Variants in CDC73 observed in about 807,000 individuals in gnomAD.
CDC73 encodes the protein parafibromin.
In CDC73, 21 loss-of-function variants were observed where a neutral mutation model predicts 83.7. That is an observed-to-expected ratio of 0.25 (90% CI 0.18 to 0.36). The LOEUF (loss-of-function observed/expected upper bound fraction) is 0.36, where lower values mean the gene tolerates loss of function less well. CDC73 is among the 10% of genes least tolerant of loss of function. The pLI, the probability that CDC73 is intolerant of heterozygous loss-of-function variation, is 1.00. For missense variants in CDC73, 342 were observed against 653.3 expected (o/e 0.52, Z 5.19); for synonymous variants, 224 against 212.9 (o/e 1.05, Z -0.45).
intron 10 of CDC73, among the ~76,000 whole-genome samples, chr1:193,188,610 AT>A (rs1319571197): frequency 1.3e-5 from 2 of 152,158 alleles, no homozygotes; most frequent in African/African-American, 4.8e-5. Context: ...TACAAAGTTG[AT>A]TTAGAGACAT....
At chr1:193,125,357 C>T (rs1164218432) in intron 2 of CDC73, 140 bp downstream of exon 2, 11 of 680,698 alleles carry the variant, frequency 1.6e-5, no homozygotes, top group Middle Eastern at 3.7e-4. Context: ...CTCCTAGGCT[C>T]AAGTGATCTT....
At chr1:193,180,287 G>A (rs1275742086) in intron 10 of CDC73, 3 of 1,537,270 alleles carry the variant, frequency 2.0e-6, no homozygotes, top group South Asian at 2.5e-5. Context: ...AAAAAAAATT[G>A]TCTTTTCTAA....
intron 3 of CDC73, among the ~76,000 whole-genome samples, chr1:193,132,895 ATTTTTTTTT>A (rs781435930): frequency 2.7e-5 from 3 of 113,196 alleles, no homozygotes; most frequent in South Asian, 2.9e-4. Context: ...TTTCCTGTAG[ATTTTTTTTT>A]TTTTTTTTTT....
intron 10 of CDC73, among the ~76,000 whole-genome samples, chr1:193,159,635 T>G (rs1380293987): frequency 6.6e-6 from 1 of 152,234 alleles, no homozygotes; most frequent in Non-Finnish European, 1.5e-5. Flanking sequence ...GTGCTTGGAT[T>G]ACAGGCGTGA....
rs1286890674 is a variant in CDC73, at chr1:193,251,722, G to T, written c.*1010G>T. ...TATTTTTATGTCTGTATTCAATATG[G>T]TATAAAATATAAAAACTATATTTTA... On this transcript the variant is annotated 3_prime_UTR_variant, in exon 17 of 17. Coordinates refer to ENST00000367435, the MANE Select transcript of CDC73 (RefSeq NM_024529.5). 1 of 231,612 alleles carries T rather than the reference G, an allele frequency of 4.3e-6. No homozygotes were observed. The highest frequency in any genetic ancestry group is 2.2e-5 in the African/African-American group (1 of 45,160). The allele number at this position is 231,612 out of a possible 1,614,324, so 14.3% of individuals were successfully genotyped here.
intron 1 of CDC73, among the ~76,000 whole-genome samples, chr1:193,123,670 AT>A (rs200816140): frequency 0.013 from 1,981 of 147,432 alleles, 19 homozygotes; most frequent in South Asian, 0.035. Flanking sequence ...TTTTTAGTGA[AT>A]TTTTTTTTTT....
chr1:193,167,039 A>C (rs1676445962), intron 10 of CDC73, among the ~76,000 whole-genome samples: 1 of 152,196 alleles, frequency 6.6e-6, no homozygotes, highest in South Asian at 2.1e-4. Context: ...GTTTATAATG[A>C]GATTTTATGT....
chr1:193,211,113 A>G (rs1223298185), intron 11 of CDC73, among the ~76,000 whole-genome samples: 1 of 152,270 alleles, frequency 6.6e-6, no homozygotes, highest in East Asian at 1.9e-4. Flanking sequence ...AGTGCCTGGC[A>G]TTGTAATACA....
At chr1:193,150,441 T>C in intron 9 of CDC73, 59 bp downstream of exon 9, 1 of 1,168,856 alleles carries the variant, frequency 8.6e-7, no homozygotes, top group Non-Finnish European at 1.3e-6. Flanking sequence ...TGAGAGGCAG[T>C]GTGGCCTGAT....
chr1:193,137,190 GGCTATATCTTTATTGC>G (rs1675816845), intron 5 of CDC73, among the ~76,000 whole-genome samples: 1 of 152,118 alleles, frequency 6.6e-6, no homozygotes, highest in Admixed American at 6.5e-5. Context: ...GAGAAATCTG[GGCTATATCTTTATTGC>G]AAATGGAAAA....
intron 10 of CDC73, among the ~76,000 whole-genome samples, chr1:193,157,024 G>A (rs1489310608): frequency 6.6e-6 from 1 of 152,120 alleles, no homozygotes; most frequent in African/African-American, 2.4e-5. Flanking sequence ...CTAAAATTGG[G>A]GGATTTGTTG....
At chr1:193,244,440 G>GT (rs1677916252) in intron 15 of CDC73, among the ~76,000 whole-genome samples, 2 of 152,296 alleles carry the variant, frequency 1.3e-5, no homozygotes, top group South Asian at 4.1e-4. Flanking sequence ...ACTGAAGCTG[G>GT]TTGTGGTGGT....
At chr1:193,149,322 A>G (rs778726228) in intron 8 of CDC73, among the ~76,000 whole-genome samples, 9 of 150,966 alleles carry the variant, frequency 6.0e-5, no homozygotes, top group Non-Finnish European at 1.3e-4. Flanking sequence ...GTTTAGTTAG[A>G]TTCTCAAACG....
At chr1:193,184,810 G>A (rs902648138) in intron 10 of CDC73, among the ~76,000 whole-genome samples, 14 of 152,026 alleles carry the variant, frequency 9.2e-5, no homozygotes, top group African/African-American at 3.4e-4. Context: ...ATGTTGAGGT[G>A]TAATAGAGTC....
intron 14 of CDC73, 38 bp downstream of exon 14, chr1:193,233,192 T>C (rs143368090): frequency 4.5e-6 from 7 of 1,556,292 alleles, no homozygotes; most frequent in Non-Finnish European, 6.2e-6. Flanking sequence ...TTCACAGGTG[T>C]TGAACCCAAG....
At chr1:193,203,908 GT>G in intron 11 of CDC73, 56 bp downstream of exon 11, 1 of 1,370,966 alleles carries the variant, frequency 7.3e-7, no homozygotes. Flanking sequence ...AACAGTGCAA[GT>G]TTTTAGTATG....
intron 13 of CDC73, among the ~76,000 whole-genome samples, chr1:193,224,826 T>C (rs1677538646): frequency 6.6e-6 from 1 of 151,550 alleles, no homozygotes; most frequent in Non-Finnish European, 1.5e-5. Flanking sequence ...ATGTGTTTTC[T>C]TTTTTTTTCT....
Position 193,122,210 on chromosome 1 carries a change from G to T in CDC73, c.10G>T (p.Val4Leu). The T allele has an allele frequency of 6.2e-7, 1 of 1,613,866 alleles. No homozygotes were observed. Among genetic ancestry groups the T allele is most frequent in the Non-Finnish European group, 8.5e-7 (1 of 1,179,788 alleles). ...GGCGAGGGGGGGGAAGATGGCGGACGTGCTTAGCGTCCTGCGACAGTACAA... is the reference window on the plus strand; with the variant it reads ...GGCGAGGGGGGGGAAGATGGCGGACTTGCTTAGCGTCCTGCGACAGTACAA... The part of the protein sequence containing the change: MAD[V>L]LSVLRQYNIQ... The change falls in exon 1 of 17, where the codon GTG becomes TTG. Residue 4 changes from valine (V) to leucine (L), a missense_variant. Physicochemically the swap from Val to Leu is conservative, Grantham distance 32. This residue lies in a region of CDC73 where 99 missense variants were observed against 174.5 expected (regional missense o/e 0.57). Coordinates refer to ENST00000367435, the MANE Select transcript of CDC73 (RefSeq NM_024529.5).
At chr1:193,225,572 G>GT (rs1372415477) in intron 13 of CDC73, among the ~76,000 whole-genome samples, 1 of 151,944 alleles carries the variant, frequency 6.6e-6, no homozygotes, top group Admixed American at 6.6e-5. Flanking sequence ...AACATCTATT[G>GT]TTTTTTGATT....
Sources: gnomAD v4.1 joint callset for allele counts (sites outside exome capture counted in the v4.1 genomes callset) on GRCh38, gnomAD v4.1.1 for gene constraint, gnomAD v4.1.1 regional missense constraint, MANE v1.5 for transcripts, NCBI Gene and HGNC (gene_info 2026-07-23, HGNC 2026-07-21) for gene names.